Variants in RAB27B observed in about 807,000 individuals in gnomAD.
RAB27B encodes ras-related protein Rab-27B.
RAB27B carries 15 observed loss-of-function variants against 24.6 expected under a neutral mutation model. The observed-to-expected ratio is 0.61, with a 90% CI of 0.41 to 0.94. The LOEUF (loss-of-function observed/expected upper bound fraction) is 0.94. Among genes scored for constraint, RAB27B ranks in the 40% least tolerant of loss-of-function variants. The probability of loss-of-function intolerance (pLI) is 0.00; values close to 1 mark genes in which losing one functional copy is unlikely to be tolerated. For missense variants in RAB27B, 261 were observed against 266.8 expected (o/e 0.98, Z 0.15); for synonymous variants, 105 against 92.5 (o/e 1.14, Z -0.78).
intron 1 of RAB27B, among the ~76,000 whole-genome samples, chr18:54,857,528 T>C (rs1191105936): frequency 6.6e-6 from 1 of 152,256 alleles, no homozygotes; most frequent in Non-Finnish European, 1.5e-5. Flanking sequence ...TTCTATATAT[T>C]TCTGGCTTAC....
chr18:54,854,836 A>G (rs1911719122), intron 1 of RAB27B, among the ~76,000 whole-genome samples: 1 of 152,162 alleles, frequency 6.6e-6, no homozygotes, highest in African/African-American at 2.4e-5. Flanking sequence ...CACTAGCCAT[A>G]TTTATCCATT....
chr18:54,857,077 A>G (rs7243461), intron 1 of RAB27B, among the ~76,000 whole-genome samples: 34,993 of 152,030 alleles, frequency 0.23, 4,107 homozygotes, highest in South Asian at 0.38. Flanking sequence ...TGCTGTACTC[A>G]TTTTTATCAA....
intron 1 of RAB27B, among the ~76,000 whole-genome samples, chr18:54,845,773 G>A (rs1911312693): frequency 6.6e-6 from 1 of 152,068 alleles, no homozygotes; most frequent in Non-Finnish European, 1.5e-5. Context: ...ATGTTAATTG[G>A]CCAAAATATA....
At chr18:54,844,637 C>T (rs1029440505) in intron 1 of RAB27B, among the ~76,000 whole-genome samples, 2 of 151,928 alleles carry the variant, frequency 1.3e-5, no homozygotes, top group African/African-American at 4.8e-5. Context: ...AAACTCCTGA[C>T]CTCAAATGAT....
intron 1 of RAB27B, among the ~76,000 whole-genome samples, chr18:54,868,623 T>TTG (rs58222992): frequency 1.8e-4 from 10 of 54,356 alleles, no homozygotes; most frequent in East Asian, 1.3e-3. Flanking sequence ...GTTGTTGTTG[T>TTG]TTGTTTGTTT....
chr18:54,873,726 T>A (rs891109091), intron 1 of RAB27B, among the ~76,000 whole-genome samples: 3 of 147,938 alleles, frequency 2.0e-5, no homozygotes, highest in Admixed American at 6.7e-5. Flanking sequence ...TGTGTGTGTG[T>A]GTGAGTGTGT....
chr18:54,766,387 G>A (rs940059950), intron 2 of RAB27B, among the ~76,000 whole-genome samples: 1 of 152,128 alleles, frequency 6.6e-6, no homozygotes, highest in Non-Finnish European at 1.5e-5. Context: ...TTAGGATTTG[G>A]GAGACCTGGG....
chr18:54,758,501 GAA>G (rs1292411515), intron 2 of RAB27B, among the ~76,000 whole-genome samples: 1 of 152,074 alleles, frequency 6.6e-6, no homozygotes, highest in Non-Finnish European at 1.5e-5. Context: ...ACAAAAGGTA[GAA>G]AAATATATCA....
chr18:54,789,552 C>A (rs1192573344), intron 2 of RAB27B, among the ~76,000 whole-genome samples: 1 of 151,972 alleles, frequency 6.6e-6, no homozygotes, highest in African/African-American at 2.4e-5. Context: ...TATCCAAATA[C>A]AGGTTTCATA....
chr18:54,884,767 T>C (rs954304595), intron 4 of RAB27B, among the ~76,000 whole-genome samples: 2 of 152,204 alleles, frequency 1.3e-5, no homozygotes, highest in Non-Finnish European at 2.9e-5. Flanking sequence ...GAAGGACTTC[T>C]TAAAACTAAG....
rs1913048266 is a variant in RAB27B, at chr18:54,884,381, A to G, written c.288A>G (p.Leu96=). The part of the protein sequence containing the change: ...TAFFRDAMGF[L]LMFDLTSQQS... ...TTTTCAGAGACGCCATGGGCTTCTT[A>G]TTAATGTTTGACCTCACCAGTCAAC... The change falls in exon 4 of 6, where the codon TTA becomes TTG. Residue 96 remains leucine, a synonymous_variant. Coordinates refer to ENST00000262094, the MANE Select transcript of RAB27B (RefSeq NM_004163.4). The G allele has an allele frequency of 6.2e-7, 1 of 1,612,956 alleles. No homozygotes were observed. Among genetic ancestry groups the G allele is most frequent in the Non-Finnish European group, 8.5e-7 (1 of 1,179,152 alleles).
Position 54,877,776 on chromosome 18 carries a change from C to T in RAB27B, c.153+38C>T, listed in dbSNP as rs111398232. ...TCGTACTTCTAACCTTGTCACTCAT[C>T]CCCCTATATAAAATAAGAATCAAGA... is the stretch of plus-strand genomic sequence containing the variant. On this transcript the variant is annotated intron_variant, in intron 2 of 5. Coordinates refer to ENST00000262094, the MANE Select transcript of RAB27B (RefSeq NM_004163.4). 4,845 of 1,518,764 alleles carry T rather than the reference C, an allele frequency of 3.2e-3. 161 individuals are homozygous for T. The African/African-American group carries it at 0.062, about 19-fold the overall frequency. The allele number at this position is 1,518,764 out of a possible 1,614,324, so 94.1% of individuals were successfully genotyped here.
Position 54,891,327 on chromosome 18 carries a change from G to A in RAB27B, c.*1914G>A, listed in dbSNP as rs1164442833. The A allele has an allele frequency of 6.6e-6, 1 of 151,556 alleles. No individual in the cohort carries two copies. The highest frequency in any genetic ancestry group is 2.4e-5 in the African/African-American group (1 of 40,880). The allele number at this position is 151,556 out of a possible 1,614,324, so 9.4% of individuals were successfully genotyped here. A position where few individuals can be genotyped will look rare whatever the true frequency, so the allele number is the denominator to read the frequency against. ...TGAAATTCTCAGCATTAACTGGCCA[G>A]CTCCTCTGATTTCTGCAGCATCGCA... On this transcript the variant is annotated 3_prime_UTR_variant, in exon 6 of 6. Coordinates refer to ENST00000262094, the MANE Select transcript of RAB27B (RefSeq NM_004163.4).
intron 1 of RAB27B, among the ~76,000 whole-genome samples, chr18:54,858,012 ATTT>A (rs1911853220): frequency 6.6e-6 from 1 of 152,216 alleles, no homozygotes; most frequent in Non-Finnish European, 1.5e-5. Context: ...ATGTTGGAAG[ATTT>A]TAAAGTTTAC....
intron 1 of RAB27B, among the ~76,000 whole-genome samples, chr18:54,850,072 T>C (rs919549643): frequency 2.0e-5 from 3 of 151,542 alleles, no homozygotes; most frequent in Non-Finnish European, 4.4e-5. Context: ...GACCCCCAAA[T>C]CTGAAGGGCA....
chr18:54,838,666 A>G (rs1910989348), intron 1 of RAB27B, among the ~76,000 whole-genome samples: 2 of 152,134 alleles, frequency 1.3e-5, no homozygotes, highest in Non-Finnish European at 2.9e-5. Flanking sequence ...TCCCTATAAT[A>G]TGGCAATATC....
rs750342499 is a variant in RAB27B at position 54,726,512 on chromosome 18, C to T, written c.-20+8371C>T. ...CATCACTGTTCTTCCTGTTCGCTAA[C>T]ATTCAGCAGAGTTGATTTCAAATTG... is the stretch of plus-strand genomic sequence containing the variant. On this transcript the variant is annotated intron_variant, in intron 2 of 4. Coordinates refer to the RAB27B transcript ENST00000586570. Among the ~76,000 whole-genome samples, 87 of 151,432 alleles carry T rather than the reference C, an allele frequency of 5.7e-4. 4 individuals are homozygous for T. The highest frequency in any genetic ancestry group is 1.1e-3 in the Non-Finnish European group (76 of 67,746).
At chr18:54,873,071 C>G (rs1361639934) in intron 1 of RAB27B, among the ~76,000 whole-genome samples, 1 of 151,892 alleles carries the variant, frequency 6.6e-6, no homozygotes. Context: ...ATAAAATTCC[C>G]TTTCCATATA....
chr18:54,866,425 A>T (rs1163184813), intron 1 of RAB27B, among the ~76,000 whole-genome samples: 1 of 152,176 alleles, frequency 6.6e-6, no homozygotes, highest in Non-Finnish European at 1.5e-5. Flanking sequence ...CCTCCCTAGT[A>T]GCTGGGATTA....
Sources: gnomAD v4.1 joint callset for allele counts (sites outside exome capture counted in the v4.1 genomes callset) on GRCh38, gnomAD v4.1.1 for gene constraint, MANE v1.5 for transcripts, NCBI Gene and HGNC (gene_info 2026-07-23, HGNC 2026-07-21) for gene names.